The following SLC9B1 variants were observed in gnomAD, a reference collection of about 807,000 sequenced individuals.
The protein encoded by SLC9B1 is sodium/hydrogen exchanger 9B1.
Under a neutral mutation model 51.7 loss-of-function variants are expected in SLC9B1, and 32 were observed. That is an observed-to-expected ratio of 0.62 (90% CI 0.47 to 0.83). SLC9B1 has a LOEUF of 0.83. Among genes scored for constraint, SLC9B1 ranks in the 40% least tolerant of loss-of-function variants. The pLI is 0.00. For missense variants in SLC9B1, 406 were observed against 613.2 expected, an observed-to-expected ratio of 0.66 and a Z score of 3.57; for synonymous variants, 145 against 212.7, an observed-to-expected ratio of 0.68 and a Z score of 2.77.
At chr4:102,963,721 T>A (rs1466042509) in intron 3 of SLC9B1, among the ~76,000 whole-genome samples, 1 of 152,184 alleles carries the variant, frequency 6.6e-6, no homozygotes, top group African/African-American at 2.4e-5. Flanking sequence ...TATAAATCCT[T>A]TTCCCCCAGC....
chr4:102,903,493 A>G (rs2050086117), intron 11 of SLC9B1, among the ~76,000 whole-genome samples: 1 of 152,246 alleles, frequency 6.6e-6, no homozygotes, highest in South Asian at 2.1e-4. Flanking sequence ...ACACTGAAGG[A>G]CTGAGAGATT....
At chr4:102,898,059 C>G, downstream of SLC9B1, 1 of 460,618 alleles carries the variant, frequency 2.2e-6, no homozygotes, top group Non-Finnish European at 4.3e-6. Flanking sequence ...ATGCCCTAGT[C>G]GTGCTGGTAA....
intron 3 of SLC9B1, among the ~76,000 whole-genome samples, chr4:102,952,811 G>T (rs1737617456): frequency 1.5e-5 from 1 of 67,700 alleles, no homozygotes; most frequent in East Asian, 4.6e-4. Context: ...ACTTTTTGAT[G>T]GGGTTGTTTG....
intron 11 of SLC9B1, chr4:102,891,216 G>GGCA (rs1734232619): frequency 6.8e-6 from 1 of 146,760 alleles, no homozygotes. Flanking sequence ...TAATGGTAGA[G>GGCA]GCAGCAGCTA....
At chr4:102,905,122 C>A (rs190001832) in intron 11 of SLC9B1, among the ~76,000 whole-genome samples, 223 of 151,924 alleles carry the variant, frequency 1.5e-3, no homozygotes, top group Non-Finnish European at 2.5e-3. Context: ...CGACTGCACT[C>A]CAGTCTGGGT....
intron 3 of SLC9B1, among the ~76,000 whole-genome samples, chr4:102,988,699 C>T (rs1433955657): frequency 6.6e-6 from 1 of 151,978 alleles, no homozygotes; most frequent in Admixed American, 6.6e-5. Context: ...AGAATATGCA[C>T]CCCTAAATAG....
chr4:102,974,618 C>T (rs1197239155), intron 3 of SLC9B1, among the ~76,000 whole-genome samples: 1 of 151,984 alleles, frequency 6.6e-6, no homozygotes, highest in Admixed American at 6.6e-5. Flanking sequence ...AAATGGGACA[C>T]CTGAATATTC....
intron 6 of SLC9B1, among the ~76,000 whole-genome samples, chr4:102,940,613 G>A (rs1179410783): frequency 1.3e-5 from 2 of 152,086 alleles, no homozygotes; most frequent in Non-Finnish European, 2.9e-5. Flanking sequence ...ACCTGACTTC[G>A]AACGGTAGTA....
chr4:102,937,055 T>C (rs976446240), intron 6 of SLC9B1, among the ~76,000 whole-genome samples: 2 of 152,170 alleles, frequency 1.3e-5, no homozygotes, highest in African/African-American at 4.8e-5. Context: ...ACAGTGGAAC[T>C]GTAAGATACT....
At chr4:103,008,288 AT>A (rs1163313712) in intron 1 of SLC9B1, among the ~76,000 whole-genome samples, 1 of 152,188 alleles carries the variant, frequency 6.6e-6, no homozygotes, top group East Asian at 1.9e-4. Flanking sequence ...ATAGTGAAAA[AT>A]TTTGATGGAT....
At chr4:102,910,094 C>T (rs1735267155) in intron 9 of SLC9B1, among the ~76,000 whole-genome samples, 1 of 152,098 alleles carries the variant, frequency 6.6e-6, no homozygotes, top group Non-Finnish European at 1.5e-5. Context: ...GGATTACAGG[C>T]ATGAGCCACC....
At chr4:102,961,875 A>G in intron 3 of SLC9B1, 1 of 214,054 alleles carries the variant, frequency 4.7e-6, no homozygotes, top group East Asian at 1.3e-4. Flanking sequence ...GACATGGTGT[A>G]TGGGGTGAGT....
At chr4:102,949,101 TAC>T (rs759800843) in intron 4 of SLC9B1, among the ~76,000 whole-genome samples, 154 bp downstream of exon 4, 16 of 151,524 alleles carry the variant, frequency 1.1e-4, no homozygotes, top group African/African-American at 2.2e-4. Flanking sequence ...AAAGGAGCTG[TAC>T]ACACACACAC....
chr4:102,914,546 T>C (rs4540048), intron 7 of SLC9B1, among the ~76,000 whole-genome samples: 83,057 of 151,836 alleles, frequency 0.55, 23,301 homozygotes, highest in African/African-American at 0.68. Context: ...GTTTAAATGC[T>C]AGAAGCAAGA....
At chr4:102,926,435 C>G (rs1407299584) in intron 7 of SLC9B1, among the ~76,000 whole-genome samples, 4 of 145,324 alleles carry the variant, frequency 2.8e-5, no homozygotes, top group African/African-American at 9.7e-5. Flanking sequence ...AAATCACAAG[C>G]ATTCCTATAC....
chr4:102,931,211 G>A (rs1736437210), intron 7 of SLC9B1, among the ~76,000 whole-genome samples: 1 of 135,110 alleles, frequency 7.4e-6, no homozygotes, highest in African/African-American at 2.9e-5. Context: ...GGGTGACAGA[G>A]CAAGACTCCG....
At chr4:102,951,237 T>G (rs2110478633) in intron 3 of SLC9B1, among the ~76,000 whole-genome samples, 1 of 152,258 alleles carries the variant, frequency 6.6e-6, no homozygotes, top group East Asian at 1.9e-4. Context: ...AAAGTGTCCC[T>G]GCATAGAAGT....
chr4:102,906,708 G>A, intron 9 of SLC9B1, 64 bp from the exon 10 acceptor site: 1 of 998,658 alleles, frequency 1.0e-6, no homozygotes, highest in Non-Finnish European at 1.4e-6. Flanking sequence ...GAAACTTAAA[G>A]TCTTCCCCCC....
intron 1 of SLC9B1, among the ~76,000 whole-genome samples, chr4:102,992,924 A>T (rs1740021490): frequency 1.3e-5 from 2 of 152,300 alleles, no homozygotes; most frequent in South Asian, 4.1e-4. Flanking sequence ...AGAGAGAATG[A>T]GTGCAAGTAG....
Sources: allele counts gnomAD v4.1 joint callset (sites outside exome capture counted in the v4.1 genomes callset), GRCh38; gene constraint gnomAD v4.1.1; transcripts MANE v1.5; gene names NCBI Gene and HGNC (gene_info 2026-07-23, HGNC 2026-07-21).